Variants in JMJD1C observed in about 807,000 individuals in gnomAD.
JMJD1C encodes the protein jumonji domain containing 1C.
JMJD1C carries 31 observed loss-of-function variants against 245.3 expected under a neutral mutation model. The ratio of observed to expected loss-of-function variants is 0.13; its 90% confidence interval spans 0.09 to 0.17. The LOEUF (loss-of-function observed/expected upper bound fraction) is 0.17, where lower values mean the gene tolerates loss of function less well. Among genes scored for constraint, JMJD1C ranks in the 10% least tolerant of loss-of-function variants. The probability of loss-of-function intolerance (pLI) is 1.00; values close to 1 mark genes in which losing one functional copy is unlikely to be tolerated. For missense variants in JMJD1C, 2,691 were observed against 3,000.2 expected, an observed-to-expected ratio of 0.90 and a Z score of 2.41; for synonymous variants, 1,057 against 1,017.4, an observed-to-expected ratio of 1.04 and a Z score of -0.74.
intron 1 of JMJD1C, among the ~76,000 whole-genome samples, chr10:63,518,273 A>C (rs1955087102): frequency 6.6e-6 from 1 of 152,180 alleles, no homozygotes; most frequent in African/African-American, 2.4e-5. Flanking sequence ...AACAGTTCTC[A>C]ACCACATCAG....
intron 1 of JMJD1C, among the ~76,000 whole-genome samples, chr10:63,507,368 G>C (rs1171962058): frequency 6.6e-6 from 1 of 152,094 alleles, no homozygotes; most frequent in African/African-American, 2.4e-5. Flanking sequence ...TGCCAGCCGG[G>C]TACGATGGCT....
chr10:63,296,719 G>C (rs1859475189), intron 2 of JMJD1C, among the ~76,000 whole-genome samples: 1 of 152,148 alleles, frequency 6.6e-6, no homozygotes, highest in Admixed American at 6.5e-5. Context: ...TTAGTGAGTA[G>C]GCATATTTGC....
chr10:63,409,073 T>C (rs1277766429), intron 1 of JMJD1C, among the ~76,000 whole-genome samples: 3 of 152,222 alleles, frequency 2.0e-5, no homozygotes, highest in Admixed American at 6.5e-5. Context: ...AAAAATTGTG[T>C]TGACATTTTA....
chr10:63,277,375 T>C (rs918307738), intron 2 of JMJD1C, among the ~76,000 whole-genome samples: 6 of 151,842 alleles, frequency 4.0e-5, no homozygotes, highest in African/African-American at 1.5e-4. Flanking sequence ...ACATGATGAA[T>C]AAAGATAGTC....
chr10:63,476,812 C>T (rs1414376524), intron 1 of JMJD1C, among the ~76,000 whole-genome samples: 1 of 152,040 alleles, frequency 6.6e-6, no homozygotes, highest in African/African-American at 2.4e-5. Context: ...CACCTGTAAT[C>T]CCAGCACTTT....
intron 2 of JMJD1C, among the ~76,000 whole-genome samples, chr10:63,268,234 A>T (rs1023249820): frequency 0.035 from 10 of 284 alleles, no homozygotes; most frequent in Admixed American, 0.12. Context: ...TAGTCTACCA[A>T]AAAAAAAAAA....
chr10:63,192,463 G>T (rs1844953066), intron 16 of JMJD1C, among the ~76,000 whole-genome samples: 1 of 152,076 alleles, frequency 6.6e-6, no homozygotes, highest in African/African-American at 2.4e-5. Context: ...ATCTACTTGG[G>T]AGGCTGAGGC....
At chr10:63,279,067 T>C (rs991085964) in intron 2 of JMJD1C, among the ~76,000 whole-genome samples, 6 of 151,886 alleles carry the variant, frequency 4.0e-5, no homozygotes, top group African/African-American at 1.2e-4. Context: ...CTGGCCAACA[T>C]GGTGAAACCT....
chr10:63,179,025 A>G (rs1052904786), intron 22 of JMJD1C, among the ~76,000 whole-genome samples: 55 of 152,266 alleles, frequency 3.6e-4, no homozygotes, highest in African/African-American at 1.2e-3. Context: ...ATAATTTCTC[A>G]TTACCCACCC....
intron 1 of JMJD1C, among the ~76,000 whole-genome samples, chr10:63,434,477 A>G (rs1246433669): frequency 6.6e-6 from 1 of 152,198 alleles, no homozygotes; most frequent in South Asian, 2.1e-4. Flanking sequence ...AAAGAAGTCC[A>G]GGGAGGCTAA....
At chr10:63,258,666 C>T (rs996241302) in intron 3 of JMJD1C, among the ~76,000 whole-genome samples, 2 of 152,288 alleles carry the variant, frequency 1.3e-5, no homozygotes, top group Admixed American at 6.5e-5. Context: ...ACTTCTTTAA[C>T]CATTTCAGTC....
chr10:63,231,998 A>C (rs565487159), intron 3 of JMJD1C, among the ~76,000 whole-genome samples: 1 of 151,988 alleles, frequency 6.6e-6, no homozygotes, highest in South Asian at 2.1e-4. Flanking sequence ...CACCATGCCC[A>C]GCTAATTTTT....
In JMJD1C at chr10:63,214,304, C is replaced by T; in HGVS notation, c.1863G>A (p.Glu621=). Residue 621 remains glutamate (E), a synonymous_variant, in exon 8 of 26, where the codon GAG becomes GAA. Transcript: ENST00000399262. The part of the protein sequence containing the change: ...DKLHKRSPPP[E]TIKSKLNTSV... ...AAGTATTAAGTTTAGATTTTATAGT[C>T]TCTGGAGGTGGACTTCGCTTATGCA... 6.2e-7 allele frequency: 1 copy of T among 1,613,996 alleles called. No homozygotes were observed.
At chr10:63,492,607 G>A (rs904745659) in intron 1 of JMJD1C, among the ~76,000 whole-genome samples, 10 of 152,288 alleles carry the variant, frequency 6.6e-5, no homozygotes, top group African/African-American at 2.4e-4. Flanking sequence ...CCAGGAGACA[G>A]AGGTGGCAGT....
At chr10:63,170,618 A>G (rs1842258009) in intron 24 of JMJD1C, among the ~76,000 whole-genome samples, 3 of 152,172 alleles carry the variant, frequency 2.0e-5, no homozygotes, top group African/African-American at 7.2e-5. Context: ...TAAGTTTTCA[A>G]TTAGATTCCA....
At position 63,176,288 on chromosome 10, in the gene JMJD1C, T is replaced by G. The variant is rs1842855949; in HGVS notation, c.7401+9A>C. ...GTAAAAAATATGTTAGAAATAAGTT[T>G]GTATATACCTGATGAAGTGCTCCCG... On this transcript the variant is annotated intron_variant, in intron 24 of 25. Transcript: ENST00000399262. The G allele has an allele frequency of 6.4e-7, 1 of 1,566,196 alleles. No homozygotes were observed. The highest frequency in any genetic ancestry group is 8.7e-7 in the Non-Finnish European group (1 of 1,153,762).
At chr10:63,287,605 C>T (rs139084424) in intron 2 of JMJD1C, among the ~76,000 whole-genome samples, 12 of 152,148 alleles carry the variant, frequency 7.9e-5, no homozygotes, top group African/African-American at 2.4e-4. Flanking sequence ...TTAATATACA[C>T]GAAAAATTTC....
chr10:63,321,755 G>T (rs770813678), intron 2 of JMJD1C, among the ~76,000 whole-genome samples: 1 of 152,176 alleles, frequency 6.6e-6, no homozygotes, highest in East Asian at 1.9e-4. Flanking sequence ...ACAAGTGTAC[G>T]CGAGTTAGGC....
In JMJD1C at chr10:63,186,327, T is replaced by C. The variant is rs757110706; in HGVS notation, c.6627A>G (p.Glu2209=). ...GGTCTCCAAAATCAAGACTAATTGA[T>C]TCCGCCTTCCATAGGCTAATGTTCA... ...KKMNISLWKA[E]SISLDFGDHQ... is the part of the protein sequence containing the mutation. The change falls in exon 19 of 26, where the codon GAA becomes GAG. Residue 2209 remains glutamate (E), a synonymous_variant. Transcript: ENST00000399262. 3 of 1,613,744 alleles carry C rather than the reference T, an allele frequency of 1.9e-6. No individual in the cohort carries two copies. The East Asian group carries it at 6.7e-5, about 36-fold the overall frequency.
Sources: gnomAD v4.1 joint callset for allele counts (sites outside exome capture counted in the v4.1 genomes callset) on GRCh38, gnomAD v4.1.1 for gene constraint, MANE v1.5 for transcripts, NCBI Gene and HGNC (gene_info 2026-07-23, HGNC 2026-07-21) for gene names.